COLEC12: variants seen among roughly 807,000 people sequenced by gnomAD.
The protein encoded by COLEC12 is collectin-12.
In COLEC12, 33 loss-of-function variants were observed where a neutral mutation model predicts 71.1. The ratio of observed to expected loss-of-function variants is 0.46; its 90% confidence interval spans 0.35 to 0.62. The LOEUF (loss-of-function observed/expected upper bound fraction) is 0.62. Ranked by LOEUF, COLEC12 falls within the 20% of genes least tolerant of loss-of-function variation. The pLI, the probability that COLEC12 is intolerant of heterozygous loss-of-function variation, is 0.00. For synonymous variants in COLEC12, 350 were observed against 353.0 expected (o/e 0.99, Z 0.10); for missense variants, 765 against 916.1 (o/e 0.84, Z 2.13).
chr18:373,826 G>C (rs190851218), intron 2 of COLEC12, among the ~76,000 whole-genome samples: 1 of 152,116 alleles, frequency 6.6e-6, no homozygotes, highest in South Asian at 2.1e-4. Flanking sequence ...GTCCAGTACC[G>C]AATGATGCCA....
Position 441,999 on chromosome 18 carries a change from C to G in COLEC12, c.58+38708G>C, listed in dbSNP as rs1355771147. Among the ~76,000 whole-genome samples, 4 of 111,896 alleles carry G rather than the reference C, an allele frequency of 3.6e-5. No homozygotes were observed. The East Asian group carries it at 1.0e-3, about 29-fold the overall frequency. 73.4% of individuals were successfully genotyped at this position (111,896 alleles called of 152,430 possible). On this transcript the variant is annotated intron_variant, in intron 2 of 9. Coordinates refer to ENST00000400256, the MANE Select transcript of COLEC12 (RefSeq NM_130386.3). The stretch of plus-strand genomic sequence containing the variant: ...TGGGTGACAGAGTGAGACTCTCTCT[C>G]TCTACACACACACACACACACACAC...
chr18:435,752 T>C (rs886364431), intron 2 of COLEC12, among the ~76,000 whole-genome samples: 1 of 152,234 alleles, frequency 6.6e-6, no homozygotes, highest in African/African-American at 2.4e-5. Flanking sequence ...AACATTATAT[T>C]GAGTAGCCTT....
At chr18:359,856 G>A (rs1199773488) in intron 2 of COLEC12, among the ~76,000 whole-genome samples, 1 of 152,206 alleles carries the variant, frequency 6.6e-6, no homozygotes, top group Non-Finnish European at 1.5e-5. Context: ...CACAGTTGAA[G>A]TTTCTCTCCT....
intron 2 of COLEC12, among the ~76,000 whole-genome samples, chr18:468,857 G>A (rs759047121): frequency 9.9e-5 from 15 of 152,168 alleles, no homozygotes; most frequent in Non-Finnish European, 1.8e-4. Context: ...ACTGTTTATC[G>A]GAGGTACATT....
intron 2 of COLEC12, among the ~76,000 whole-genome samples, chr18:360,191 T>TTTC (rs1914714067): frequency 6.6e-6 from 1 of 151,706 alleles, no homozygotes; most frequent in Non-Finnish European, 1.5e-5. Context: ...TTTTTTTTTT[T>TTTC]TTCTTTTTTG....
intron 2 of COLEC12, among the ~76,000 whole-genome samples, chr18:369,402 T>A (rs1370131780): frequency 3.2e-5 from 3 of 94,214 alleles, no homozygotes; most frequent in Admixed American, 1.0e-4. Flanking sequence ...TTTTTATTTT[T>A]TTTTATTTTT....
chr18:411,599 A>C (rs1915894508), intron 2 of COLEC12, among the ~76,000 whole-genome samples: 1 of 152,224 alleles, frequency 6.6e-6, no homozygotes, highest in Non-Finnish European at 1.5e-5. Flanking sequence ...GTTATTTATC[A>C]ATCAAACTCA....
chr18:497,201 G>A (rs930865904), intron 1 of COLEC12, among the ~76,000 whole-genome samples: 2 of 152,166 alleles, frequency 1.3e-5, no homozygotes, highest in Non-Finnish European at 2.9e-5. Flanking sequence ...ACTGGCAGAT[G>A]CAGGATTACA....
intron 1 of COLEC12, among the ~76,000 whole-genome samples, chr18:482,250 A>AT (rs1917435352): frequency 6.7e-6 from 1 of 148,748 alleles, no homozygotes; most frequent in Non-Finnish European, 1.5e-5. Flanking sequence ...TGAGGCTGGG[A>AT]TTACAGGCAC....
intron 2 of COLEC12, among the ~76,000 whole-genome samples, chr18:417,117 G>T (rs1916003342): frequency 6.6e-6 from 1 of 151,800 alleles, no homozygotes; most frequent in Admixed American, 6.6e-5. Flanking sequence ...ATGGTTAAGT[G>T]ATTTCATCAT....
chr18:411,164 A>C (rs537472159), intron 2 of COLEC12, among the ~76,000 whole-genome samples: 4 of 152,348 alleles, frequency 2.6e-5, no homozygotes, highest in African/African-American at 7.2e-5. Context: ...GATCCAGTAG[A>C]AACCTGGACT....
chr18:393,889 C>T (rs1285868790), intron 2 of COLEC12, among the ~76,000 whole-genome samples: 1 of 152,182 alleles, frequency 6.6e-6, no homozygotes, highest in Non-Finnish European at 1.5e-5. Context: ...ATTGAACACT[C>T]CTGTTCCAGC....
intron 8 of COLEC12, among the ~76,000 whole-genome samples, chr18:328,312 T>G (rs1261673647): frequency 2.6e-5 from 4 of 152,078 alleles, no homozygotes; most frequent in East Asian, 3.9e-4. Context: ...TAAAAGTGAG[T>G]CTGACTAGGA....
chr18:392,291 A>T (rs1357359270), intron 2 of COLEC12, among the ~76,000 whole-genome samples: 2 of 152,222 alleles, frequency 1.3e-5, no homozygotes, highest in African/African-American at 4.8e-5. Context: ...AACTCGCCTG[A>T]ACCTTGAAAG....
chr18:401,593 G>A (rs796156989), intron 2 of COLEC12, among the ~76,000 whole-genome samples: 10 of 152,346 alleles, frequency 6.6e-5, no homozygotes, highest in Middle Eastern at 3.4e-3. Flanking sequence ...GACTAGAAGC[G>A]TTGAGGTGTA....
chr18:417,963 G>A (rs1316343591), intron 2 of COLEC12, among the ~76,000 whole-genome samples: 2 of 152,136 alleles, frequency 1.3e-5, no homozygotes, highest in Non-Finnish European at 2.9e-5. Context: ...TGAGGAGGAT[G>A]GCCCTGCCCC....
chr18:362,663 A>T lies in COLEC12; in HGVS notation c.59-5141T>A, dbSNP rs1914772094. Among the ~76,000 whole-genome samples, 1 of 152,116 alleles carries T rather than the reference A, an allele frequency of 6.6e-6. No homozygotes were observed. Among genetic ancestry groups the T allele is most frequent in the South Asian group, 2.1e-4 (1 of 4,818 alleles). On this transcript the variant is annotated intron_variant, in intron 2 of 9. Coordinates refer to ENST00000400256, the MANE Select transcript of COLEC12 (RefSeq NM_130386.3). This position sits in a 1 kb window ranked among gnomAD's most constrained non-coding sequence, Gnocchi z 4.6. The stretch of plus-strand genomic sequence containing the variant: ...AGGAGAGATTTCAGTTCAGGAAGTG[A>T]AGCAGTGCTGCCCCTCACCATTAAG...
rs1212850475 is a variant in COLEC12, at chr18:362,932, TG to T, written c.59-5411del. ...TCTGGTTAACTCCTTGAGTATTCCA[TG>T]GAAGTTCAGAATAGGCTGACAATTT... On this transcript the variant is annotated intron_variant, in intron 2 of 9. Coordinates refer to ENST00000400256, the MANE Select transcript of COLEC12 (RefSeq NM_130386.3). This position sits in a 1 kb window ranked among gnomAD's most constrained non-coding sequence, Gnocchi z 4.6. 1.3e-5 allele frequency among the ~76,000 whole-genome samples: 2 copies of T among 152,150 alleles called. No homozygotes were observed. Among genetic ancestry groups the T allele is most frequent in the African/African-American group, 2.4e-5 (1 of 41,438 alleles).
At chr18:326,798 T>G (rs1168810207) in intron 8 of COLEC12, among the ~76,000 whole-genome samples, 1 of 152,260 alleles carries the variant, frequency 6.6e-6, no homozygotes, top group African/African-American at 2.4e-5. Context: ...TTAAGTCAAG[T>G]CAGTTGATTG....
Sources: gnomAD v4.1 joint callset for allele counts (sites outside exome capture counted in the v4.1 genomes callset) on GRCh38, gnomAD v4.1.1 for gene constraint, Gnocchi (gnomAD v3.1) non-coding constraint, MANE v1.5 for transcripts, NCBI Gene and HGNC (gene_info 2026-07-23, HGNC 2026-07-21) for gene names.